The following AATF variants were observed in gnomAD, a reference collection of about 807,000 sequenced individuals.
The protein encoded by AATF is protein AATF.
AATF carries 48 observed loss-of-function variants against 63.7 expected under a neutral mutation model. The ratio of observed to expected loss-of-function variants is 0.75; its 90% CI spans 0.60 to 0.96. The LOEUF is 0.96. AATF is among the 40% of genes least tolerant of loss of function. The pLI is 0.00. For missense variants in AATF, 639 were observed against 685.7 expected, an observed-to-expected ratio of 0.93 and a Z score of 0.76; for synonymous variants, 258 against 247.7, an observed-to-expected ratio of 1.04 and a Z score of -0.39.
Position 36,958,495 on chromosome 17 carries a change from GA to G in AATF, c.832+4591del, listed in dbSNP as rs2070920281. Among the ~76,000 whole-genome samples, 3 of 152,034 alleles carry G rather than the reference GA, an allele frequency of 2.0e-5. No homozygotes were observed. In the South Asian group the frequency reaches 6.2e-4, roughly 32 times the overall value. On this transcript the variant is annotated intron_variant, in intron 4 of 11. Coordinates refer to ENST00000619387, the MANE Select transcript of AATF (RefSeq NM_012138.4). The stretch of plus-strand genomic sequence containing the variant: ...TCTTTTAGAATTTCTACTGTATTAG[GA>G]AATACATCTTTTATGTTGGTGGCAA...
chr17:36,997,770 C>T (rs1597718788), intron 8 of AATF, among the ~76,000 whole-genome samples: 1 of 152,158 alleles, frequency 6.6e-6, no homozygotes, highest in East Asian at 1.9e-4. Context: ...AAGATACTTG[C>T]AGATACATGT....
intron 11 of AATF, among the ~76,000 whole-genome samples, chr17:37,050,981 C>G (rs1448282613): frequency 1.3e-5 from 2 of 152,174 alleles, no homozygotes; most frequent in African/African-American, 4.8e-5. Context: ...CACTGTGTTG[C>G]TCAGGCTGGT....
At chr17:37,047,446 A>G (rs982421415) in intron 11 of AATF, among the ~76,000 whole-genome samples, 1 of 152,160 alleles carries the variant, frequency 6.6e-6, no homozygotes, top group African/African-American at 2.4e-5. Flanking sequence ...AGGAAGCACA[A>G]GTGAGAAGAA....
At chr17:37,015,376 G>T (rs2071421506) in intron 8 of AATF, among the ~76,000 whole-genome samples, 1 of 152,208 alleles carries the variant, frequency 6.6e-6, no homozygotes, top group Non-Finnish European at 1.5e-5. Flanking sequence ...TCTGGAGGTT[G>T]TAAAGTCCAA....
At chr17:37,030,793 T>C (rs2071546102) in intron 10 of AATF, among the ~76,000 whole-genome samples, 1 of 152,132 alleles carries the variant, frequency 6.6e-6, no homozygotes, top group East Asian at 1.9e-4. Flanking sequence ...TGGCAGTGTG[T>C]GTGGTGTTGG....
intron 8 of AATF, among the ~76,000 whole-genome samples, chr17:37,004,623 T>TGAGA (rs2071328326): frequency 6.6e-6 from 1 of 151,764 alleles, no homozygotes; most frequent in South Asian, 2.1e-4. Flanking sequence ...AGGTAAGGGG[T>TGAGA]GAGAGCATGT....
intron 4 of AATF, among the ~76,000 whole-genome samples, chr17:36,969,939 A>C (rs887570327): frequency 6.6e-6 from 1 of 152,210 alleles, no homozygotes; most frequent in African/African-American, 2.4e-5. Context: ...TTTGCTCAGC[A>C]TAATTATTTT....
chr17:37,002,012 G>A (rs1270533714), intron 8 of AATF, among the ~76,000 whole-genome samples: 1 of 151,876 alleles, frequency 6.6e-6, no homozygotes, highest in Non-Finnish European at 1.5e-5. Context: ...GACCAGCCTG[G>A]CCAACATGGT....
intron 11 of AATF, among the ~76,000 whole-genome samples, chr17:37,051,799 G>A (rs1044700676): frequency 2.0e-5 from 3 of 151,470 alleles, no homozygotes; most frequent in Admixed American, 1.3e-4. Context: ...CAGGTTTTAA[G>A]ATAATATAGT....
At chr17:36,955,922 C>G (rs1378446612) in intron 4 of AATF, among the ~76,000 whole-genome samples, 1 of 152,028 alleles carries the variant, frequency 6.6e-6, no homozygotes, top group African/African-American at 2.4e-5. Flanking sequence ...GCCACCATGC[C>G]CGACTAATTT....
chr17:36,954,033 C>G, intron 4 of AATF, 126 bp downstream of exon 4: 1 of 956,350 alleles, frequency 1.0e-6, no homozygotes, highest in East Asian at 2.7e-5. Context: ...CCCTTGCTCT[C>G]CCCTCCCCAT....
chr17:36,972,856 C>T (rs1285429590), intron 4 of AATF, among the ~76,000 whole-genome samples: 1 of 151,998 alleles, frequency 6.6e-6, no homozygotes, highest in Non-Finnish European at 1.5e-5. Context: ...GTTTCCAGAG[C>T]TTTGTATTCT....
chr17:37,009,163 C>T (rs1235245339), intron 8 of AATF, among the ~76,000 whole-genome samples: 5 of 152,078 alleles, frequency 3.3e-5, no homozygotes, highest in East Asian at 1.9e-4. Flanking sequence ...TGGAGTTTCA[C>T]TCTTGTTGCC....
intron 11 of AATF, among the ~76,000 whole-genome samples, chr17:37,040,126 G>T (rs1227156245): frequency 1.3e-5 from 2 of 151,302 alleles, no homozygotes; most frequent in Admixed American, 6.6e-5. Flanking sequence ...TAAATATATT[G>T]CAATATCTTA....
chr17:36,972,498 G>T (rs1426443313), intron 4 of AATF, among the ~76,000 whole-genome samples: 2 of 152,192 alleles, frequency 1.3e-5, no homozygotes, highest in African/African-American at 2.4e-5. Context: ...TATAGAACAA[G>T]AATTAATTAG....
At position 36,988,724 on chromosome 17, in the gene AATF, A is replaced by G; in HGVS notation, c.1149+4A>G. On this transcript the variant is annotated splice_donor_region_variant and intron_variant, in intron 6 of 11. Coordinates refer to ENST00000619387, the MANE Select transcript of AATF (RefSeq NM_012138.4). ...GGCTTCTGGAAAACTGGGGAAGGCA[A>G]GTGTGTGTATGCGCGCATGTATGTG... 1 of 1,613,534 alleles carries G rather than the reference A, an allele frequency of 6.2e-7. No homozygotes were observed. The highest frequency in any genetic ancestry group is 1.3e-5 in the African/African-American group (1 of 75,038).
chr17:37,001,436 G>A (rs1597720399), intron 8 of AATF, among the ~76,000 whole-genome samples: 2 of 119,400 alleles, frequency 1.7e-5, no homozygotes, highest in African/African-American at 7.6e-5. Flanking sequence ...AGGAAGGAAG[G>A]AAGGAAGGAA....
chr17:37,010,872 G>A (rs896495443), intron 8 of AATF, among the ~76,000 whole-genome samples: 11 of 152,330 alleles, frequency 7.2e-5, no homozygotes, highest in Admixed American at 5.2e-4. Flanking sequence ...GCACAGAGGC[G>A]GAAGGTGGGT....
At chr17:36,994,855 C>G (rs927809941) in intron 8 of AATF, among the ~76,000 whole-genome samples, 2 of 152,322 alleles carry the variant, frequency 1.3e-5, no homozygotes, top group African/African-American at 4.8e-5. Context: ...TTGCTAAACA[C>G]TAGTGGCGTG....
Sources: allele counts gnomAD v4.1 joint callset (sites outside exome capture counted in the v4.1 genomes callset), GRCh38; gene constraint gnomAD v4.1.1; transcripts MANE v1.5; gene names NCBI Gene and HGNC (gene_info 2026-07-23, HGNC 2026-07-21).